Variants in MZT2A observed in about 807,000 individuals in gnomAD.
MZT2A encodes mitotic-spindle organizing protein 2A.
A neutral mutation model predicts 12.4 loss-of-function variants in MZT2A; 8 were observed. The ratio of observed to expected loss-of-function variants is 0.64; its 90% CI spans 0.38 to 1.16. The LOEUF (loss-of-function observed/expected upper bound fraction) is 1.16. Among genes scored for constraint, MZT2A ranks in the 50% most tolerant of loss-of-function variants. The probability of loss-of-function intolerance (pLI) is 0.01; values close to 1 mark genes in which losing one functional copy is unlikely to be tolerated. For synonymous variants in MZT2A, 88 were observed against 107.5 expected, an observed-to-expected ratio of 0.82 and a Z score of 1.12; for missense variants, 181 against 223.6, an observed-to-expected ratio of 0.81 and a Z score of 1.22.
At chr2:131,482,917 G>A (rs1470595728), downstream of MZT2A, 16 of 1,567,266 alleles carry the variant, frequency 1.0e-5, no homozygotes, top group African/African-American at 8.1e-5. Context: ...TGCAATTAAA[G>A]GTTCTGTATA....
chr2:131,486,818 T>G (rs1435689483), intron 2 of MZT2A, among the ~76,000 whole-genome samples: 1 of 152,060 alleles, frequency 6.6e-6, no homozygotes, highest in African/African-American at 2.4e-5. Flanking sequence ...CTGACAGGGT[T>G]GACAAACCCT....
At chr2:131,484,696 C>T (rs1344611605) in intron 2 of MZT2A, among the ~76,000 whole-genome samples, 1 of 152,216 alleles carries the variant, frequency 6.6e-6, no homozygotes, top group Non-Finnish European at 1.5e-5. Flanking sequence ...ACTGCAGTCA[C>T]CAAGTCCTGG....
At chr2:131,476,795 C>T (rs948285249) in intron 2 of MZT2A, among the ~76,000 whole-genome samples, 3 of 151,612 alleles carry the variant, frequency 2.0e-5, no homozygotes, top group Admixed American at 1.3e-4. Flanking sequence ...ATTACCCGGG[C>T]ATGGTGATGC....
At chr2:131,470,670 G>A (rs1172994887) in intron 3 of MZT2A, among the ~76,000 whole-genome samples, 1 of 150,438 alleles carries the variant, frequency 6.6e-6, no homozygotes, top group African/African-American at 2.5e-5. Flanking sequence ...CAATTGCAAA[G>A]GTGAATAAAG....
chr2:131,471,987 T>C, intron 3 of MZT2A: 1 of 1,217,814 alleles, frequency 8.2e-7, no homozygotes, highest in South Asian at 1.4e-5. Context: ...CAAGGAGGTC[T>C]TTAAACATCT....
upstream of MZT2A, among the ~76,000 whole-genome samples, chr2:131,493,382 T>C (rs1679428869): frequency 6.6e-6 from 1 of 152,122 alleles, no homozygotes; most frequent in South Asian, 2.1e-4. Flanking sequence ...CCGGTAGGTG[T>C]TCGTTGAAGG....
At chr2:131,488,874 C>A (rs1207118988) in intron 2 of MZT2A, among the ~76,000 whole-genome samples, 13 of 152,164 alleles carry the variant, frequency 8.5e-5, no homozygotes, top group Non-Finnish European at 1.2e-4. Context: ...GCACTCCAGG[C>A]CACTCCTGTC....
At chr2:131,487,957 G>A (rs1376427382) in intron 2 of MZT2A, among the ~76,000 whole-genome samples, 1 of 152,166 alleles carries the variant, frequency 6.6e-6, no homozygotes, top group Admixed American at 6.6e-5. Context: ...TGTAGAGATT[G>A]GGTCTCCCTG....
chr2:131,479,435 C>T (rs1401854664), downstream of MZT2A: 1 of 1,614,140 alleles, frequency 6.2e-7, no homozygotes, highest in Non-Finnish European at 8.5e-7. Flanking sequence ...TTGACCTAGT[C>T]CTGGACCGGA....
intron 2 of MZT2A, among the ~76,000 whole-genome samples, chr2:131,476,980 C>G (rs1273017185): frequency 2.1e-5 from 3 of 145,064 alleles, no homozygotes; most frequent in Non-Finnish European, 3.0e-5. Flanking sequence ...ATTCCCAAGT[C>G]CCAAGTCTGA....
rs761452896 is a variant in MZT2A at position 131,492,318 on chromosome 2, G to T, written c.59C>A (p.Ala20Glu). The part of the protein sequence containing the change: ...PGSAAPPGLE[A>E]ARQKLALRRK... ...CCGCAGCGCCAGCTTCTGCCGGGCC[G>T]CCTCCAGCCCCGGGGGCGCCGCCGA... is the stretch of plus-strand genomic sequence containing the variant. The change falls in exon 1 of 3, where the codon GCG becomes GAG. Residue 20 changes from alanine (A) to glutamate (E), a missense_variant. By Grantham distance (107) the Ala-to-Glu change is moderately radical. Around this residue, in one of 3 missense-constraint regions of MZT2A, gnomAD observed 106 missense variants for 127.2 expected, o/e 0.83. Transcript: ENST00000309451. 129 of 1,526,684 alleles carry T rather than the reference G, an allele frequency of 8.4e-5. No homozygotes were observed. Among genetic ancestry groups the T allele is most frequent in the Non-Finnish European group, 1.1e-4 (126 of 1,145,216 alleles). The allele number at this position is 1,526,684 out of a possible 1,614,324, so 94.6% of individuals were successfully genotyped here.
At chr2:131,478,040 T>C in intron 2 of MZT2A, 1 of 1,335,374 alleles carries the variant, frequency 7.5e-7, no homozygotes, top group Non-Finnish European at 1.0e-6. Flanking sequence ...TCCTAGGAAA[T>C]ATCGATTGTG....
In MZT2A at chr2:131,492,327, C is replaced by G; in HGVS notation, c.50G>C (p.Gly17Ala). Reference sequence around the variant, plus strand: ...CAGCTTCTGCCGGGCCGCCTCCAGCCCCGGGGGCGCCGCCGACCCCGGCCC... The same window carrying G: ...CAGCTTCTGCCGGGCCGCCTCCAGCGCCGGGGGCGCCGCCGACCCCGGCCC... ...GPGPGSAAPP[G>A]LEAARQKLAL... Residue 17 changes from glycine to alanine, a missense_variant, in exon 1 of 3, where the codon GGG (glycine) becomes GCG (alanine). Gly to Ala is a moderately conservative substitution (Grantham distance 60). Coordinates refer to ENST00000309451, the MANE Select transcript of MZT2A (RefSeq NM_001085365.2). The G allele has an allele frequency of 6.0e-6, 9 of 1,512,372 alleles. No homozygotes were observed. Among genetic ancestry groups the G allele is most frequent in the Non-Finnish European group, 7.9e-6 (9 of 1,138,770 alleles). 93.7% of individuals were successfully genotyped at this position (1,512,372 alleles called of 1,614,324 possible). A position where few individuals can be genotyped will look rare whatever the true frequency, so the allele number is the denominator to read the frequency against.
chr2:131,491,162 A>G (rs1387224299), intron 2 of MZT2A: 1 of 545,000 alleles, frequency 1.8e-6, no homozygotes, highest in Non-Finnish European at 3.3e-6. Context: ...AGCAGAAGCA[A>G]CATGCGGAGA....
At chr2:131,488,070 T>G (rs1679125668) in intron 2 of MZT2A, among the ~76,000 whole-genome samples, 1 of 152,152 alleles carries the variant, frequency 6.6e-6, no homozygotes, top group Non-Finnish European at 1.5e-5. Flanking sequence ...ACCGGTCCTT[T>G]GGCATCTGCT....
At chr2:131,480,704 C>G, downstream of MZT2A, 1 of 1,612,940 alleles carries the variant, frequency 6.2e-7, no homozygotes, top group Non-Finnish European at 8.5e-7. Context: ...CCATCAAGAC[C>G]AAGCGCACCA....
intron 2 of MZT2A, chr2:131,490,368 G>T (rs895213283): frequency 9.2e-7 from 1 of 1,092,632 alleles, no homozygotes; most frequent in Non-Finnish European, 1.1e-6. Context: ...AGGCCGAGGC[G>T]TTTGTCACGC....
At chr2:131,491,468 T>C (rs1679299360) in intron 2 of MZT2A, 2 of 329,772 alleles carry the variant, frequency 6.1e-6, no homozygotes, top group Non-Finnish European at 1.1e-5. Context: ...GATCTCACCC[T>C]GTCACCCAGA....
downstream of MZT2A, chr2:131,482,812 C>T (rs553733940): frequency 1.5e-4 from 241 of 1,613,732 alleles, no homozygotes; most frequent in Non-Finnish European, 1.9e-4. Flanking sequence ...GCGTGGATTC[C>T]GTGGAAGCTG....
Sources: allele counts gnomAD v4.1 joint callset (sites outside exome capture counted in the v4.1 genomes callset), GRCh38; gene constraint gnomAD v4.1.1; regional missense constraint gnomAD v4.1.1; transcripts MANE v1.5; gene names NCBI Gene and HGNC (gene_info 2026-07-23, HGNC 2026-07-21).